C16orf96: variants seen among roughly 807,000 people sequenced by gnomAD.
C16orf96 encodes the protein chromosome 16 open reading frame 96, also known as uncharacterized protein C16orf96.
In C16orf96, 108 loss-of-function variants were observed where a neutral mutation model predicts 103.6. The ratio of observed to expected loss-of-function variants is 1.04; its 90% CI spans 0.89 to 1.22. C16orf96 has a LOEUF of 1.22. Among genes scored for constraint, C16orf96 ranks in the 50% most tolerant of loss-of-function variants. C16orf96 has a pLI of 0.00. For synonymous variants in C16orf96, 566 were observed against 593.5 expected (o/e 0.95, Z 0.67); for missense variants, 1,586 against 1,464.2 (o/e 1.08, Z -1.36).
intron 9 of C16orf96, among the ~76,000 whole-genome samples, chr16:4,589,415 T>A (rs8052622): frequency 6.7e-6 from 1 of 149,388 alleles, no homozygotes; most frequent in Admixed American, 6.6e-5. Context: ...TCTGTCCCCC[T>A]ACCAAAAAAA....
At chr16:4,551,553 G>A (rs11641452), upstream of C16orf96, among the ~76,000 whole-genome samples, 95,879 of 151,904 alleles carry the variant, frequency 0.63, 34,595 homozygotes, top group East Asian at 0.88. Flanking sequence ...CCAGGTTCAC[G>A]CCATTCTCTT....
At chr16:4,546,730 A>T in the C16orf96 span, among the ~76,000 whole-genome samples, 4 of 151,904 alleles carry the variant, frequency 2.6e-5, no homozygotes, top group Admixed American at 2.0e-4. Flanking sequence ...TTAGCCTCCT[A>T]AAGTGCTGAG....
the C16orf96 span, among the ~76,000 whole-genome samples, chr16:4,542,767 A>AGCCT: frequency 6.6e-6 from 1 of 152,196 alleles, no homozygotes. Flanking sequence ...ATTGCACTCC[A>AGCCT]GCCTGGGCGA....
Position 4,594,637 on chromosome 16 carries a change from G to A in C16orf96, c.3028-67G>A, listed in dbSNP as rs968226218. 166 of 1,541,174 alleles carry A rather than the reference G, an allele frequency of 1.1e-4. 1 individual carries two copies. The African/African-American group carries it at 1.6e-3, about 15-fold the overall frequency. On this transcript the variant is annotated intron_variant, in intron 13 of 15. Coordinates refer to ENST00000444310, the MANE Select transcript of C16orf96 (RefSeq NM_001145011.2). ...TGCACTCTGTCTCCTGGGCTTCTGC[G>A]TGTACCAAAGTTCGGGGGCAGATCG...
chr16:4,571,751 A>G (rs1269088802), intron 2 of C16orf96, 86 bp downstream of exon 2: 2 of 1,219,904 alleles, frequency 1.6e-6, no homozygotes, highest in African/African-American at 3.0e-5. Context: ...TAGGAAGCTT[A>G]CTGTTAGGCC....
chr16:4,595,443 T>G (rs975945613), intron 14 of C16orf96, among the ~76,000 whole-genome samples: 7 of 152,180 alleles, frequency 4.6e-5, no homozygotes, highest in Admixed American at 1.3e-4. Context: ...GTCAATGTGG[T>G]TGCTGCAGTG....
the C16orf96 span, among the ~76,000 whole-genome samples, chr16:4,542,230 T>C: frequency 6.6e-6 from 1 of 152,188 alleles, no homozygotes. Flanking sequence ...CCAGCTGTGG[T>C]GGCTCATGCC....
chr16:4,563,116 CT>C, intron 1 of C16orf96: 2 of 779,160 alleles, frequency 2.6e-6, no homozygotes, highest in Non-Finnish European at 4.5e-6. Context: ...GCTTTTTCCT[CT>C]TTAAGTTTTT....
Position 4,574,784 on chromosome 16 carries a change from G to A in C16orf96, c.601G>A (p.Glu201Lys), listed in dbSNP as rs554506355. 1.3e-6 allele frequency: 2 copies of A among 1,551,572 alleles called. No individual in the cohort carries two copies. Among genetic ancestry groups the A allele is most frequent in the South Asian group, 2.4e-5 (2 of 84,064 alleles). ...CTGGAAGATGGTTGCACTGCAGCGGGAAGTGGTGAGGGCCACCATCCCTGT... is the reference window on the plus strand; with the variant it reads ...CTGGAAGATGGTTGCACTGCAGCGGAAAGTGGTGAGGGCCACCATCCCTGT... ...QNWKMVALQR[E>K]VASLQNKFKT... The change falls in exon 3 of 16, where the codon GAA becomes AAA. Residue 201 changes from glutamate (E) to lysine (K), a missense_variant. By Grantham distance (56) the Glu-to-Lys change is moderately conservative. Transcript: ENST00000444310.
the C16orf96 span, among the ~76,000 whole-genome samples, chr16:4,540,818 G>C: frequency 1.3e-5 from 2 of 151,774 alleles, no homozygotes; most frequent in African/African-American, 4.8e-5. Context: ...CATGATCATA[G>C]CTCACTGTGA....
rs1461576949 is a variant in C16orf96, at chr16:4,576,086, G to C, written c.1606G>C (p.Asp536His). 1.3e-6 allele frequency: 2 copies of C among 1,551,292 alleles called. No homozygotes were observed. The highest frequency in any genetic ancestry group is 1.7e-6 in the Non-Finnish European group (2 of 1,146,894). Reference protein sequence around the residue: ...DDVPKDRGGKDGDPKDRVGKD... With the variant: ...DDVPKDRGGKHGDPKDRVGKD... ...TGTCCCCAAAGATAGAGGTGGCAAA[G>C]ATGGGGACCCCAAGGATAGAGTTGG... is the stretch of plus-strand genomic sequence containing the variant. Residue 536 changes from aspartate to histidine, a missense_variant, in exon 5 of 16, where the codon GAT (aspartate) becomes CAT (histidine). By Grantham distance (81) the Asp-to-His change is moderately conservative. Coordinates refer to ENST00000444310, the MANE Select transcript of C16orf96 (RefSeq NM_001145011.2).
chr16:4,587,212 C>T (rs1440458851), intron 8 of C16orf96, 99 bp downstream of exon 8: 1 of 1,172,644 alleles, frequency 8.5e-7, no homozygotes, highest in Non-Finnish European at 1.2e-6. Context: ...GAATTTCCCT[C>T]CCCCTTTGTT....
At chr16:4,590,082 C>T (rs538898597) in intron 9 of C16orf96, among the ~76,000 whole-genome samples, 8 of 151,008 alleles carry the variant, frequency 5.3e-5, no homozygotes, top group East Asian at 4.0e-4. Context: ...GCCGAGATAG[C>T]GCCACTGCAC....
chr16:4,561,504 G>A (rs998230616), intron 1 of C16orf96: 7 of 152,158 alleles, frequency 4.6e-5, no homozygotes, highest in African/African-American at 1.7e-4. Flanking sequence ...GCACTCCAGA[G>A]GCAGCTTGCC....
chr16:4,590,606 C>T (rs909624776), intron 9 of C16orf96, among the ~76,000 whole-genome samples: 1 of 151,268 alleles, frequency 6.6e-6, no homozygotes, highest in Non-Finnish European at 1.5e-5. Flanking sequence ...TAAATAAGGC[C>T]AGGTGCGGTG....
chr16:4,549,796 T>C, the C16orf96 span, among the ~76,000 whole-genome samples: 1 of 151,770 alleles, frequency 6.6e-6, no homozygotes, highest in Non-Finnish European at 1.5e-5. Context: ...TAAAACAAAA[T>C]AAAATAAAAA....
rs1054300017 is a variant in C16orf96 at position 4,593,095 on chromosome 16, C to T, written c.2775-129C>T. ...CTATGCTGTGGACGCTTCTGGCATTCGAGGGTGGTGACCTGAGTCTGCACC... is the reference window on the plus strand; with the variant it reads ...CTATGCTGTGGACGCTTCTGGCATTTGAGGGTGGTGACCTGAGTCTGCACC... On this transcript the variant is annotated intron_variant, in intron 11 of 15. Transcript: ENST00000444310. The surrounding 1 kb of genome is among the most constrained non-coding windows in gnomAD (Gnocchi z 4.2). 30 of 836,816 alleles carry T rather than the reference C, an allele frequency of 3.6e-5. No individual in the cohort carries two copies. The East Asian group carries it at 5.1e-4, about 14-fold the overall frequency. 51.8% of individuals were successfully genotyped at this position (836,816 alleles called of 1,614,324 possible). A position where few individuals can be genotyped will look rare whatever the true frequency, so the allele number is the denominator to read the frequency against.
chr16:4,584,684 G>C (rs1429782765), intron 7 of C16orf96, among the ~76,000 whole-genome samples: 1 of 152,100 alleles, frequency 6.6e-6, no homozygotes, highest in African/African-American at 2.4e-5. Context: ...ACAGGCGTTT[G>C]CCACCACACT....
At chr16:4,581,094 A>G (rs1272283004) in intron 7 of C16orf96, among the ~76,000 whole-genome samples, 13 of 146,064 alleles carry the variant, frequency 8.9e-5, no homozygotes, top group African/African-American at 3.0e-4. Context: ...ATTGCACTCC[A>G]GCTTGGGTAA....
Sources: gnomAD v4.1 joint callset for allele counts (sites outside exome capture counted in the v4.1 genomes callset) on GRCh38, gnomAD v4.1.1 for gene constraint, Gnocchi (gnomAD v3.1) non-coding constraint, MANE v1.5 for transcripts, NCBI Gene and HGNC (gene_info 2026-07-23, HGNC 2026-07-21) for gene names.